Variants in ENDOV observed in about 807,000 individuals in gnomAD.
ENDOV encodes hEndoV.
Under a neutral mutation model 39.4 loss-of-function variants are expected in ENDOV, and 37 were observed. The observed-to-expected ratio is 0.94, with a 90% CI of 0.72 to 1.23. The LOEUF (loss-of-function observed/expected upper bound fraction) is 1.23, where lower values mean the gene tolerates loss of function less well. Among genes scored for constraint, ENDOV ranks in the 50% most tolerant of loss-of-function variants. ENDOV has a pLI of 0.00. For synonymous variants in ENDOV, 186 were observed against 163.4 expected (o/e 1.14, Z -1.05); for missense variants, 441 against 375.7 (o/e 1.17, Z -1.44).
At chr17:80,435,707 C>A (rs1187224022) in intron 9 of ENDOV, among the ~76,000 whole-genome samples, 2 of 151,934 alleles carry the variant, frequency 1.3e-5, no homozygotes, top group Non-Finnish European at 2.9e-5. Context: ...CTCCGCCTCC[C>A]GGGTTCACGC....
intron 7 of ENDOV, chr17:80,427,938 ATGAGTCG>A: frequency 8.7e-7 from 1 of 1,154,974 alleles, no homozygotes; most frequent in Non-Finnish European, 1.1e-6. Flanking sequence ...GTTGCTTTCC[ATGAGTCG>A]TGCAGCCCTG....
At position 80,421,930 on chromosome 17, in the gene ENDOV, C is replaced by T; in HGVS notation, c.331C>T (p.Leu111=). 6.2e-7 allele frequency: 1 copy of T among 1,611,306 alleles called. No homozygotes were observed. Among genetic ancestry groups the T allele is most frequent in the South Asian group, 1.1e-5 (1 of 90,794 alleles). ...VPFLLELVQQ[L]REKEPGLMPQ... ...CTTCTTGCTGGAGCTGGTGCAGCAGCTGCGGGAGAAGGAGCCGGGCCTCAT... is the reference window on the plus strand; with the variant it reads ...CTTCTTGCTGGAGCTGGTGCAGCAGTTGCGGGAGAAGGAGCCGGGCCTCAT... The change falls in exon 3 of 10, where the codon CTG becomes TTG. Residue 111 remains leucine, a synonymous_variant. Transcript: ENST00000518137.
intron 9 of ENDOV, among the ~76,000 whole-genome samples, chr17:80,432,424 A>G (rs2083384615): frequency 6.6e-6 from 1 of 152,062 alleles, no homozygotes; most frequent in Admixed American, 6.5e-5. Flanking sequence ...AGGGCCGTGG[A>G]CAGCCTCCAG....
intron 5 of ENDOV, 189 bp downstream of exon 5, chr17:80,423,821 GCTCTGAGCTCCT>G: frequency 1.7e-6 from 1 of 595,104 alleles, no homozygotes; most frequent in Non-Finnish European, 2.9e-6. Flanking sequence ...AGCTGAGGGC[GCTCTGAGCTCCT>G]CTCCTGCCTC....
chr17:80,415,440 C>T (rs2080962075), intron 1 of ENDOV, 190 bp downstream of exon 1: 1 of 988,564 alleles, frequency 1.0e-6, no homozygotes, highest in Non-Finnish European at 1.5e-6. Flanking sequence ...GGGCGCGGTT[C>T]TCGCTTCCGG....
At chr17:80,419,166 C>T (rs1396643496) in intron 2 of ENDOV, among the ~76,000 whole-genome samples, 1 of 103,834 alleles carries the variant, frequency 9.6e-6, no homozygotes, top group Non-Finnish European at 2.1e-5. Context: ...GAGCAGGACT[C>T]TGTCAAAAAA....
In ENDOV at chr17:80,425,621, G is replaced by T; in HGVS notation, c.714+1G>T. ...CCGGATCCCAGAGCCCGTGCGCCAG[G>T]TGGGTGTGCTGGGGATGCGGGGAGG... On this transcript the variant is annotated splice_donor_variant, in intron 7 of 9. Coordinates refer to ENST00000518137, the MANE Select transcript of ENDOV (RefSeq NM_173627.5). LOFTEE classifies it high-confidence loss of function. 1.3e-6 allele frequency: 2 copies of T among 1,580,234 alleles called. No homozygotes were observed. The highest frequency in any genetic ancestry group is 1.2e-5 in the South Asian group (1 of 86,894).
intron 8 of ENDOV, among the ~76,000 whole-genome samples, chr17:80,428,904 C>T (rs1005812130): frequency 1.3e-5 from 2 of 152,220 alleles, no homozygotes; most frequent in African/African-American, 2.4e-5. Context: ...CCTGGAACTA[C>T]GGCCCTGTCT....
chr17:80,415,198 G>A lies in ENDOV; in HGVS notation c.4G>A (p.Ala2Thr), dbSNP rs770720912. 3 of 1,613,184 alleles carry A rather than the reference G, an allele frequency of 1.9e-6. No homozygotes were observed. Among genetic ancestry groups the A allele is most frequent in the East Asian group, 2.2e-5 (1 of 44,882 alleles). Residue 2 changes from alanine to threonine, a missense_variant, in exon 1 of 10, where the codon GCC becomes ACC. Coordinates refer to ENST00000518137, the MANE Select transcript of ENDOV (RefSeq NM_173627.5). M[A>T]LEAAGGPPEE... ...AAGGGGTGCCCGGGACGAAGCCATGGCCCTGGAGGCGGCGGGAGGGCCGCC... is the reference window on the plus strand; with the variant it reads ...AAGGGGTGCCCGGGACGAAGCCATGACCCTGGAGGCGGCGGGAGGGCCGCC...
intron 6 of ENDOV, 155 bp from the exon 7 acceptor site, chr17:80,425,337 C>A: frequency 8.4e-7 from 1 of 1,190,976 alleles, no homozygotes; most frequent in Non-Finnish European, 1.1e-6. Context: ...GGAAGGCGCC[C>A]TGAGGGTGGG....
At chr17:80,421,508 G>A (rs1599352824) in intron 2 of ENDOV, among the ~76,000 whole-genome samples, 1 of 133,298 alleles carries the variant, frequency 7.5e-6, no homozygotes, top group South Asian at 2.5e-4. Flanking sequence ...TGCTGCTATG[G>A]ACCAGGTCCC....
chr17:80,425,306 C>A (rs1324571021), intron 6 of ENDOV, among the ~76,000 whole-genome samples, 186 bp from the exon 7 acceptor site: 1 of 152,190 alleles, frequency 6.6e-6, no homozygotes, highest in Non-Finnish European at 1.5e-5. Flanking sequence ...GGAGCCCACC[C>A]TCCCCCAGGG....
At chr17:80,416,310 G>T (rs1443284102) in intron 2 of ENDOV, 1 of 157,038 alleles carries the variant, frequency 6.4e-6, no homozygotes, top group Non-Finnish European at 1.4e-5. Context: ...AGGGAATTCT[G>T]TGACTATTAA....
chr17:80,417,871 A>C (rs1454437803), intron 2 of ENDOV: 1 of 152,224 alleles, frequency 6.6e-6, no homozygotes, highest in African/African-American at 2.4e-5. Flanking sequence ...CAGTGGGCTC[A>C]TGATTCACAT....
chr17:80,436,021 C>T, intron 9 of ENDOV, 112 bp from the exon 10 acceptor site: 2 of 1,238,424 alleles, frequency 1.6e-6, no homozygotes, highest in Non-Finnish European at 2.3e-6. Context: ...TCCCCAAGTG[C>T]TGAGATTACA....
At chr17:80,416,700 C>T (rs2081236378) in intron 2 of ENDOV, among the ~76,000 whole-genome samples, 1 of 141,252 alleles carries the variant, frequency 7.1e-6, no homozygotes, top group Admixed American at 7.0e-5. Context: ...CCCTCCCTCC[C>T]TCCCTCCCTC....
intron 4 of ENDOV, among the ~76,000 whole-genome samples, chr17:80,422,447 C>T (rs935124844): frequency 3.3e-5 from 5 of 152,128 alleles, no homozygotes; most frequent in East Asian, 1.9e-4. Context: ...TGTCTACTTT[C>T]GCTTCACCCC....
At chr17:80,428,723 TC>T in intron 8 of ENDOV, 63 bp downstream of exon 8, 1 of 1,480,942 alleles carries the variant, frequency 6.8e-7, no homozygotes, top group African/African-American at 1.4e-5. Context: ...ATGGGCTGTT[TC>T]CGGTGGCTCA....
Position 80,436,391 on chromosome 17 carries a change from G to T in ENDOV, c.*248G>T. 1 of 1,426,414 alleles carries T rather than the reference G, an allele frequency of 7.0e-7. No individual in the cohort carries two copies. The allele number at this position is 1,426,414 out of a possible 1,614,324, so 88.4% of individuals were successfully genotyped here. On this transcript the variant is annotated 3_prime_UTR_variant, in exon 10 of 10. Coordinates refer to ENST00000518137, the MANE Select transcript of ENDOV (RefSeq NM_173627.5). ...CGTTTGCAGTCTTTCACCACTAGAT[G>T]TGATGTGAGCTGTTAGATTTTCAAG...
Sources: gnomAD v4.1 joint callset for allele counts (sites outside exome capture counted in the v4.1 genomes callset) on GRCh38, gnomAD v4.1.1 for gene constraint, MANE v1.5 for transcripts, NCBI Gene and HGNC (gene_info 2026-07-23, HGNC 2026-07-21) for gene names.